The following CREB5 variants were observed in gnomAD, a reference collection of about 807,000 sequenced individuals.
CREB5 encodes cAMP responsive element binding protein 5, also known as cyclic AMP-responsive element-binding protein 5.
A neutral mutation model predicts 57.1 loss-of-function variants in CREB5; 19 were observed. The ratio of observed to expected loss-of-function variants is 0.33; its 90% CI spans 0.23 to 0.49. CREB5 has a LOEUF of 0.49. Ranked by LOEUF, CREB5 falls within the 20% of genes least tolerant of loss-of-function variation. The pLI is 0.99. For missense variants in CREB5, 579 were observed against 671.6 expected (o/e 0.86, Z 1.52); for synonymous variants, 238 against 238.3 (o/e 1.00, Z 0.01).
At chr7:28,627,286 C>T (rs1200607180) in intron 5 of CREB5, among the ~76,000 whole-genome samples, 1 of 152,242 alleles carries the variant, frequency 6.6e-6, no homozygotes, top group Non-Finnish European at 1.5e-5. Flanking sequence ...CTCGAATTTT[C>T]AAGGCAACTT....
chr7:28,312,210 AT>A (rs1290436113), intron 1 of CREB5, among the ~76,000 whole-genome samples: 1 of 151,720 alleles, frequency 6.6e-6, no homozygotes, highest in African/African-American at 2.4e-5. Flanking sequence ...AAAAAGTGGA[AT>A]TTTAGCTAGC....
At chr7:28,306,426 A>G (rs1303580742) in intron 1 of CREB5, among the ~76,000 whole-genome samples, 1 of 152,014 alleles carries the variant, frequency 6.6e-6, no homozygotes, top group Non-Finnish European at 1.5e-5. Context: ...GCCCATTCCT[A>G]ATTGGGTTGA....
chr7:28,741,189 T>C (rs1053400494), intron 7 of CREB5, among the ~76,000 whole-genome samples: 1 of 152,160 alleles, frequency 6.6e-6, no homozygotes, highest in Non-Finnish European at 1.5e-5. Context: ...ATGGGTGGTG[T>C]TCCCAAAGTG....
chr7:28,319,064 A>G (rs891946087), intron 1 of CREB5, among the ~76,000 whole-genome samples: 1 of 152,156 alleles, frequency 6.6e-6, no homozygotes, highest in Non-Finnish European at 1.5e-5. Flanking sequence ...GGTCATTCCA[A>G]TACTCTTTTC....
At chr7:28,598,274 A>G (rs575098053) in intron 5 of CREB5, among the ~76,000 whole-genome samples, 1 of 152,286 alleles carries the variant, frequency 6.6e-6, no homozygotes, top group East Asian at 1.9e-4. Flanking sequence ...CCATGCAAGA[A>G]GTGCTTTTTC....
At chr7:28,441,932 C>A (rs372519664) in intron 1 of CREB5, among the ~76,000 whole-genome samples, 4 of 152,080 alleles carry the variant, frequency 2.6e-5, no homozygotes, top group African/African-American at 9.7e-5. Flanking sequence ...AAACATTTAT[C>A]ATTTCTCTGT....
At chr7:28,377,822 C>T (rs1466315878) in intron 1 of CREB5, among the ~76,000 whole-genome samples, 1 of 150,702 alleles carries the variant, frequency 6.6e-6, no homozygotes, top group Non-Finnish European at 1.5e-5. Context: ...GTCCCAGCTA[C>T]TCGGGAGGCT....
At chr7:28,333,579 T>C (rs1233233991) in intron 1 of CREB5, among the ~76,000 whole-genome samples, 1 of 152,206 alleles carries the variant, frequency 6.6e-6, no homozygotes, top group Non-Finnish European at 1.5e-5. Flanking sequence ...ACCATCATTC[T>C]ACTCTCTATC....
intron 1 of CREB5, among the ~76,000 whole-genome samples, chr7:28,452,087 C>T (rs566158640): frequency 6.6e-6 from 1 of 152,298 alleles, no homozygotes; most frequent in Admixed American, 6.5e-5. Context: ...ACCAGCCCAT[C>T]TTAGACTGGC....
intron 7 of CREB5, among the ~76,000 whole-genome samples, chr7:28,767,237 A>G (rs1051379552): frequency 3.3e-5 from 5 of 152,156 alleles, no homozygotes; most frequent in African/African-American, 1.2e-4. Context: ...CCATGTATGC[A>G]TTTATTTTTG....
chr7:28,388,609 C>T (rs945972269), intron 1 of CREB5, among the ~76,000 whole-genome samples: 5 of 152,142 alleles, frequency 3.3e-5, no homozygotes, highest in South Asian at 4.1e-4. Flanking sequence ...CCAAGTATTT[C>T]TCCAGACAGA....
rs189073461 is a variant in CREB5 at position 28,353,126 on chromosome 7, G to T, written c.-25+53685G>T. ...TTTTGTTTTTTGAGAGTCTTGCTCTGTTGCCAAAGCTGGAGTTTAATGACG... is the reference window on the plus strand; with the variant it reads ...TTTTGTTTTTTGAGAGTCTTGCTCTTTTGCCAAAGCTGGAGTTTAATGACG... On this transcript the variant is annotated intron_variant, in intron 1 of 9. Transcript: ENST00000396299. Among the ~76,000 whole-genome samples the T allele has an allele frequency of 1.3e-4, 19 of 151,696 alleles. No individual in the cohort carries two copies. In the East Asian group the frequency reaches 3.7e-3, roughly 29 times the overall value.
rs1294959980 is a variant in CREB5, at chr7:28,612,380, A to C, written c.464+41843A>C. 2.0e-5 allele frequency among the ~76,000 whole-genome samples: 3 copies of C among 152,108 alleles called. No homozygotes were observed. In the South Asian group the frequency reaches 6.2e-4, roughly 32 times the overall value. ...TTCCCAGAATGATAGTGGTAAATTC[A>C]AGCCCTCTAGCTCACTTAATCACAT... On this transcript the variant is annotated intron_variant, in intron 5 of 10. Coordinates refer to ENST00000357727, the MANE Select transcript of CREB5 (RefSeq NM_182898.4).
chr7:28,761,410 G>T (rs182603278), intron 7 of CREB5, among the ~76,000 whole-genome samples: 5 of 152,276 alleles, frequency 3.3e-5, no homozygotes, highest in African/African-American at 1.2e-4. Context: ...ACAGGTTTCT[G>T]CTCAGGGCAA....
intron 5 of CREB5, among the ~76,000 whole-genome samples, chr7:28,626,214 G>T (rs41293): frequency 5.8e-4 from 89 of 152,280 alleles, no homozygotes; most frequent in Non-Finnish European, 1.1e-3. Context: ...CTTGTCAAAT[G>T]CTCCACTGGC....
chr7:28,467,974 G>A (rs1790658719), intron 1 of CREB5, among the ~76,000 whole-genome samples: 2 of 152,202 alleles, frequency 1.3e-5, no homozygotes, highest in African/African-American at 4.8e-5. Flanking sequence ...GCTACTGTGA[G>A]GAGCAGCTTA....
At chr7:28,737,575 ATATATATATATATT>A (rs1455110368) in intron 7 of CREB5, among the ~76,000 whole-genome samples, 7 of 36,870 alleles carry the variant, frequency 1.9e-4, no homozygotes, top group Non-Finnish European at 3.8e-4. Flanking sequence ...ATATATATAT[ATATATATATATATT>A]TTTAACTCCT....
chr7:28,360,623 A>G (rs1249660424), intron 1 of CREB5, among the ~76,000 whole-genome samples: 1 of 152,222 alleles, frequency 6.6e-6, no homozygotes. Context: ...AGACTGGAGG[A>G]ATAAATGGAA....
rs747555411 is a variant in CREB5, at chr7:28,507,698, C to G, written c.252C>G (p.His84Gln). 1 of 1,610,758 alleles carries G rather than the reference C, an allele frequency of 6.2e-7. No individual in the cohort carries two copies. The highest frequency in any genetic ancestry group is 2.2e-5 in the East Asian group (1 of 44,790). The change falls in exon 4 of 11, where the codon CAC becomes CAG. Residue 84 changes from histidine (H) to glutamine (Q), a missense_variant. Coordinates refer to ENST00000357727, the MANE Select transcript of CREB5 (RefSeq NM_182898.4). ...GCGAGCTGGACTGCTCCCTGGAGCA[C>G]GAGTTCAGGAAGGCTCAGGAAGAGG... is the stretch of plus-strand genomic sequence containing the variant. ...LFSELDCSLE[H>Q]EFRKAQEEES...
Sources: gnomAD v4.1 joint callset for allele counts (sites outside exome capture counted in the v4.1 genomes callset) on GRCh38, gnomAD v4.1.1 for gene constraint, MANE v1.5 for transcripts, NCBI Gene and HGNC (gene_info 2026-07-23, HGNC 2026-07-21) for gene names.